The following WASHC1 variants were observed in gnomAD, a reference collection of about 807,000 sequenced individuals.
The protein encoded by WASHC1 is WASH complex subunit 1.
WASHC1 carries 11 observed loss-of-function variants against 26.1 expected under a neutral mutation model. The observed-to-expected ratio is 0.42, with a 90% confidence interval of 0.27 to 0.70. WASHC1 has a LOEUF of 0.70. Ranked by LOEUF, WASHC1 falls within the 30% of genes least tolerant of loss-of-function variation. WASHC1 has a pLI of 0.24. For synonymous variants in WASHC1, 37 were observed against 126.6 expected, an observed-to-expected ratio of 0.29 and a Z score of 4.75; for missense variants, 96 against 304.9, an observed-to-expected ratio of 0.31 and a Z score of 5.10.
intron 8 of WASHC1, 42 bp from the exon 9 acceptor site, chr9:16,103 G>GCTCAGGCA: frequency 1.3e-6 from 1 of 763,572 alleles, no homozygotes; most frequent in East Asian, 2.6e-5. Flanking sequence ...AGGAAAGGCT[G>GCTCAGGCA]CTCAGGCAGG....
rs1352788475 is a variant in WASHC1, at chr9:17,184, G to A, written c.682-18C>T. 1 of 1,255,346 alleles carries A rather than the reference G, an allele frequency of 8.0e-7. No individual in the cohort carries two copies. The highest frequency in any genetic ancestry group is 1.1e-6 in the Non-Finnish European group (1 of 927,972). 77.8% of individuals were successfully genotyped at this position (1,255,346 alleles called of 1,614,324 possible). ...TCTGGGACCTGCAAGATTAGGCAGG[G>A]ACATGTGAGAGGTGACAGGGACCTG... On this transcript the variant is annotated intron_variant, in intron 6 of 10. Coordinates refer to ENST00000442898, the Ensembl canonical transcript of WASHC1.
chr9:16,745 C>T (rs1816365156), exon 8 of WASHC1: 2 of 290,690 alleles, frequency 6.9e-6, no homozygotes, highest in South Asian at 2.8e-5. Flanking sequence ...CTGCTGCTGT[C>T]GTCCTGCCTG....
chr9:15,852 G>A lies in WASHC1; in HGVS notation c.1195+57C>T, dbSNP rs570722993. The A allele has an allele frequency of 2.2e-5, 31 of 1,384,244 alleles. 2 individuals carry two copies. Among genetic ancestry groups the A allele is most frequent in the African/African-American group, 4.0e-5 (2 of 49,522 alleles). The allele number at this position is 1,384,244 out of a possible 1,614,324, so 85.7% of individuals were successfully genotyped here. On this transcript the variant is annotated intron_variant, in intron 9 of 10. Coordinates refer to ENST00000442898, the Ensembl canonical transcript of WASHC1. ...AGCACCCGGTGGACTCAGGGCTGGAGGGGAGGAGGCGATCTTGCCCAAGGC... is the reference window on the plus strand; with the variant it reads ...AGCACCCGGTGGACTCAGGGCTGGAAGGGAGGAGGCGATCTTGCCCAAGGC...
At position 24,937 on chromosome 9, in the gene WASHC1, CTGGA is replaced by C; in HGVS notation, c.59_62del (p.Ile20SerfsTer35). ...CGGCCTCCTCTCGCCGCAGGTCTGG[CTGGA>C]TGAAGGGCACGGCATAGGTCTGACC... On this transcript the variant is annotated frameshift_variant, in exon 2 of 11. Transcript: ENST00000442898. LOFTEE classifies it high-confidence loss of function. 1 of 663,924 alleles carries C rather than the reference CTGGA, an allele frequency of 1.5e-6. No homozygotes were observed. The highest frequency in any genetic ancestry group is 3.4e-5 in the Admixed American group (1 of 29,412). 41.1% of individuals were successfully genotyped at this position (663,924 alleles called of 1,614,324 possible). A position where few individuals can be genotyped will look rare whatever the true frequency, so the allele number is the denominator to read the frequency against.
Position 17,183 on chromosome 9 carries a change from G to A in WASHC1, c.682-17C>T, listed in dbSNP as rs762913497. The stretch of plus-strand genomic sequence containing the variant: ...CTCTGGGACCTGCAAGATTAGGCAG[G>A]GACATGTGAGAGGTGACAGGGACCT... On this transcript the variant is annotated splice_polypyrimidine_tract_variant and intron_variant, in intron 6 of 10. Transcript: ENST00000442898. 22 of 1,262,014 alleles carry A rather than the reference G, an allele frequency of 1.7e-5. No individual in the cohort carries two copies. Among genetic ancestry groups the A allele is most frequent in the Non-Finnish European group, 2.2e-5 (21 of 934,318 alleles). The allele number at this position is 1,262,014 out of a possible 1,614,324, so 78.2% of individuals were successfully genotyped here.
intron 1 of WASHC1, chr9:28,633 C>G (rs2130497088): frequency 7.7e-6 from 1 of 129,278 alleles, no homozygotes; most frequent in Non-Finnish European, 1.6e-5. Flanking sequence ...TGCGATATTT[C>G]CTGCCTATCC....
chr9:21,696 C>T (rs1250510672), intron 2 of WASHC1, among the ~76,000 whole-genome samples: 5 of 150,254 alleles, frequency 3.3e-5, no homozygotes, highest in Admixed American at 6.6e-5. Flanking sequence ...CACTGCCTTG[C>T]CCCACACCCT....
intron 2 of WASHC1, among the ~76,000 whole-genome samples, chr9:23,859 ACT>A (rs1369438263): frequency 1.1e-5 from 1 of 92,692 alleles, no homozygotes; most frequent in Non-Finnish European, 2.0e-5. Flanking sequence ...TTAGATAAAC[ACT>A]GAGTGAAGTC....
intron 9 of WASHC1, 71 bp downstream of exon 9, chr9:15,838 G>C (rs1391430574): frequency 2.2e-6 from 3 of 1,358,818 alleles, no homozygotes; most frequent in Non-Finnish European, 3.0e-6. Flanking sequence ...GCACCCGGTG[G>C]ACTCAGGGCT....
intron 2 of WASHC1, among the ~76,000 whole-genome samples, chr9:20,914 CCACCACAGAAAACAGAGGTGCATCCAG>C (rs1816816715): frequency 6.8e-6 from 1 of 146,482 alleles, no homozygotes; most frequent in Admixed American, 6.8e-5. Context: ...TCTCTTGGAG[CCACCACAGAAAACAGAGGTGCATCCAG>C]CACCACAGAA....
rs1159164353 is a variant in WASHC1, at chr9:14,807, C to G, written c.1398G>C (p.Ter466TyrextTer4). The G allele has an allele frequency of 1.0e-5, 16 of 1,540,924 alleles. No homozygotes were observed. The Admixed American group carries it at 2.4e-4, about 23-fold the overall frequency. The change falls in exon 11 of 11, where the codon TAG becomes TAC. Residue 466 changes from the stop codon to tyrosine (Y), a stop_lost. Transcript: ENST00000442898. ...GGGGGGGAAGGTGTCATGGAGCCCCCTACGATTCCCAGTCGTCCTCGTCCT... is the reference window on the plus strand; with the variant it reads ...GGGGGGGAAGGTGTCATGGAGCCCCGTACGATTCCCAGTCGTCCTCGTCCT...
At chr9:21,188 G>A (rs1314188910) in intron 2 of WASHC1, among the ~76,000 whole-genome samples, 1 of 152,288 alleles carries the variant, frequency 6.6e-6, no homozygotes, top group Non-Finnish European at 1.5e-5. Flanking sequence ...CCGTGCAGGA[G>A]GAGCATGTTT....
chr9:16,839 G>GGGT, exon 8 of WASHC1: 1 of 502,138 alleles, frequency 2.0e-6, no homozygotes, highest in Non-Finnish European at 3.2e-6. Context: ...GTGGTGGTGG[G>GGGT]GGCGGTGGGG....
chr9:15,794 G>T lies in WASHC1; in HGVS notation c.1195+115C>A. The T allele has an allele frequency of 2.9e-6, 3 of 1,049,724 alleles. No homozygotes were observed. In the South Asian group the frequency reaches 4.6e-5, roughly 16 times the overall value. 65.0% of individuals were successfully genotyped at this position (1,049,724 alleles called of 1,614,324 possible). A position where few individuals can be genotyped will look rare whatever the true frequency, so the allele number is the denominator to read the frequency against. ...CCAGCATGTGCCCTAGGGGAAGCAG[G>T]GGCCAGCTGGCAGGAGCAGGGGGTG... On this transcript the variant is annotated intron_variant, in intron 9 of 10. Transcript: ENST00000442898.
At chr9:22,251 G>C (rs1817040678) in intron 2 of WASHC1, among the ~76,000 whole-genome samples, 1 of 146,772 alleles carries the variant, frequency 6.8e-6, no homozygotes, top group Non-Finnish European at 1.5e-5. Flanking sequence ...ATAGACATGA[G>C]GACCAAGCCA....
chr9:21,285 AG>A (rs1231475632), intron 2 of WASHC1, among the ~76,000 whole-genome samples: 75 of 144,664 alleles, frequency 5.2e-4, no homozygotes, highest in African/African-American at 1.9e-3. Flanking sequence ...GTGCCACAGG[AG>A]GGGCAAGTGG....
chr9:28,205 TG>T (rs1817459998), intron 1 of WASHC1: 1 of 86,956 alleles, frequency 1.2e-5, no homozygotes, highest in Non-Finnish European at 2.0e-5. Flanking sequence ...CTTCATACTT[TG>T]TCTTTATGTA....
chr9:23,520 C>T (rs1253764843), intron 2 of WASHC1, among the ~76,000 whole-genome samples: 3 of 114,586 alleles, frequency 2.6e-5, no homozygotes, highest in Admixed American at 8.4e-5. Flanking sequence ...TCGGGGCAAG[C>T]CGGTGAGTCA....
At position 20,759 on chromosome 9, in the gene WASHC1, G is replaced by C. The variant is rs1816795010; in HGVS notation, c.150-2267C>G. 1.9e-5 allele frequency among the ~76,000 whole-genome samples: 2 copies of C among 103,742 alleles called. 1 individual carries two copies. Among genetic ancestry groups the C allele is most frequent in the East Asian group, 5.6e-4 (2 of 3,574 alleles). The allele number at this position is 103,742 out of a possible 152,430, so 68.1% of individuals were successfully genotyped here. On this transcript the variant is annotated intron_variant, in intron 2 of 10. Transcript: ENST00000442898. ...TTTAGACACAGTTCAGGTGAAGAAA[G>C]ACCTGGAAACTTCTGTTAACTATAA...
Sources: allele counts gnomAD v4.1 joint callset (sites outside exome capture counted in the v4.1 genomes callset), GRCh38; gene constraint gnomAD v4.1.1; transcripts MANE v1.5; gene names NCBI Gene and HGNC (gene_info 2026-07-23, HGNC 2026-07-21).